RIT2: variants seen among roughly 807,000 people sequenced by gnomAD.
The protein encoded by RIT2 is Ras like without CAAX 2.
In RIT2, 24 loss-of-function variants were observed where a neutral mutation model predicts 23.7. The ratio of observed to expected loss-of-function variants is 1.01; its 90% CI spans 0.73 to 1.43. The LOEUF is 1.43. RIT2 is among the 40% of genes most tolerant of loss of function. The pLI is 0.00. For synonymous variants in RIT2, 107 were observed against 91.1 expected (o/e 1.17, Z -0.99); for missense variants, 236 against 266.9 (o/e 0.88, Z 0.81).
chr18:43,026,634 A>AAG lies in RIT2; in HGVS notation c.160+7175_160+7176dup, dbSNP rs778464703. Among the ~76,000 whole-genome samples the AAG allele has an allele frequency of 3.3e-4, 33 of 100,360 alleles. 1 individual carries two copies. The highest frequency in any genetic ancestry group is 5.3e-4 in the Non-Finnish European group (23 of 43,316). 65.8% of individuals were successfully genotyped at this position (100,360 alleles called of 152,430 possible). A position where few individuals can be genotyped will look rare whatever the true frequency, so the allele number is the denominator to read the frequency against. ...AAAGAAAGAAAGAAAGAAAGAAAGA[A>AAG]AGAGAGAAAGAAGGAAAGGCTGTAG... On this transcript the variant is annotated intron_variant, in intron 2 of 4. Coordinates refer to ENST00000326695, the MANE Select transcript of RIT2 (RefSeq NM_002930.4).
intron 4 of RIT2, among the ~76,000 whole-genome samples, chr18:42,917,994 G>A (rs922969449): frequency 6.6e-6 from 1 of 152,096 alleles, no homozygotes; most frequent in Non-Finnish European, 1.5e-5. Context: ...GTGTACACAT[G>A]TGTGTATGTA....
At position 42,743,278 on chromosome 18, in the gene RIT2, C is replaced by G; in HGVS notation, c.*215G>C. The G allele has an allele frequency of 1.8e-6, 1 of 568,288 alleles. No homozygotes were observed. Among genetic ancestry groups the G allele is most frequent in the Non-Finnish European group, 3.1e-6 (1 of 320,464 alleles). The allele number at this position is 568,288 out of a possible 1,614,324, so 35.2% of individuals were successfully genotyped here. On this transcript the variant is annotated 3_prime_UTR_variant, in exon 5 of 5. Transcript: ENST00000326695. ...TTAGTACTATGTTGTAAAAACTAAA[C>G]AGCATATCCAGCTGATTGACAAAAT...
intron 4 of RIT2, among the ~76,000 whole-genome samples, chr18:42,905,194 T>C (rs890866270): frequency 1.3e-5 from 2 of 152,174 alleles, no homozygotes; most frequent in African/African-American, 4.8e-5. Flanking sequence ...AGTTTAATAA[T>C]AGATCAATAG....
At chr18:42,876,700 G>T (rs1184621087) in intron 4 of RIT2, among the ~76,000 whole-genome samples, 3 of 149,022 alleles carry the variant, frequency 2.0e-5, no homozygotes, top group Non-Finnish European at 4.5e-5. Flanking sequence ...TTTAGTACAG[G>T]TTTTTTTTTT....
chr18:42,845,571 G>A (rs1042801338), intron 4 of RIT2, among the ~76,000 whole-genome samples: 3 of 150,022 alleles, frequency 2.0e-5, no homozygotes, highest in Non-Finnish European at 4.4e-5. Context: ...TTTCCAGTAC[G>A]TGAAACAATT....
chr18:42,814,792 C>T (rs2143982433), intron 4 of RIT2, among the ~76,000 whole-genome samples: 1 of 152,282 alleles, frequency 6.6e-6, no homozygotes, highest in South Asian at 2.1e-4. Flanking sequence ...ACCACCAAAG[C>T]TAAGAACCCT....
At chr18:42,900,118 A>C (rs1166599396) in intron 4 of RIT2, among the ~76,000 whole-genome samples, 1 of 152,070 alleles carries the variant, frequency 6.6e-6, no homozygotes, top group Admixed American at 6.6e-5. Flanking sequence ...TATATGTCTT[A>C]ATCTAAATTG....
intron 1 of RIT2, among the ~76,000 whole-genome samples, chr18:43,046,752 C>T (rs930409764): frequency 6.6e-6 from 1 of 152,138 alleles, no homozygotes; most frequent in Non-Finnish European, 1.5e-5. Flanking sequence ...ACCAGCTTTC[C>T]TTATGTACTC....
intron 4 of RIT2, among the ~76,000 whole-genome samples, chr18:42,784,107 T>C (rs1913872422): frequency 6.6e-6 from 1 of 152,030 alleles, no homozygotes; most frequent in Non-Finnish European, 1.5e-5. Context: ...TCTCCTACCA[T>C]ACACAGTTCT....
chr18:42,859,731 T>G (rs1050588150), intron 4 of RIT2, among the ~76,000 whole-genome samples: 2 of 152,160 alleles, frequency 1.3e-5, no homozygotes, highest in African/African-American at 4.8e-5. Flanking sequence ...ATCTCTTATT[T>G]GACTTTGTAT....
chr18:42,936,465 G>A (rs147046309), intron 3 of RIT2, among the ~76,000 whole-genome samples: 9 of 152,214 alleles, frequency 5.9e-5, no homozygotes, highest in African/African-American at 2.2e-4. Flanking sequence ...TAATGATGTT[G>A]TTTCAGTTTC....
In RIT2 at chr18:43,088,450, C is replaced by T. The variant is rs1042836451; in HGVS notation, c.103+26967G>A. On this transcript the variant is annotated intron_variant, in intron 1 of 4. Transcript: ENST00000326695. ...TATCTTGAGGAATATAAGAGGCAGGCTTTTATGGATACCTCTATTGCATAA... is the reference window on the plus strand; with the variant it reads ...TATCTTGAGGAATATAAGAGGCAGGTTTTTATGGATACCTCTATTGCATAA... Among the ~76,000 whole-genome samples, 4 of 152,038 alleles carry T rather than the reference C, an allele frequency of 2.6e-5. No homozygotes were observed. In the East Asian group the frequency reaches 7.7e-4, roughly 29 times the overall value.
intron 1 of RIT2, among the ~76,000 whole-genome samples, chr18:43,060,550 T>C (rs1443833411): frequency 6.6e-6 from 1 of 152,142 alleles, no homozygotes; most frequent in Non-Finnish European, 1.5e-5. Context: ...TTGGGTCTGG[T>C]GTCCATTACC....
chr18:42,892,881 G>C (rs547537811), intron 4 of RIT2, among the ~76,000 whole-genome samples: 1 of 152,272 alleles, frequency 6.6e-6, no homozygotes, highest in South Asian at 2.1e-4. Context: ...AGTGGTCTGA[G>C]TTAGGTCTAC....
At chr18:42,755,190 G>A (rs1042738705) in intron 4 of RIT2, among the ~76,000 whole-genome samples, 1 of 152,124 alleles carries the variant, frequency 6.6e-6, no homozygotes, top group Non-Finnish European at 1.5e-5. Context: ...ACTTCTTTCA[G>A]ATCACATTTT....
chr18:42,984,924 A>G (rs1910676177), intron 2 of RIT2, among the ~76,000 whole-genome samples: 1 of 145,532 alleles, frequency 6.9e-6, no homozygotes, highest in African/African-American at 2.6e-5. Context: ...TGTGATTCAT[A>G]CATGCTTAGT....
chr18:42,946,584 C>A (rs1909732581), intron 3 of RIT2, among the ~76,000 whole-genome samples: 1 of 151,910 alleles, frequency 6.6e-6, no homozygotes. Context: ...CTAATGGGAA[C>A]AAAACAGTAT....
chr18:43,009,923 T>C (rs1911313391), intron 2 of RIT2, among the ~76,000 whole-genome samples: 1 of 151,756 alleles, frequency 6.6e-6, no homozygotes, highest in Admixed American at 6.6e-5. Flanking sequence ...TTATCCACTC[T>C]GTCATGTTCC....
chr18:42,821,506 A>T (rs1906147639), intron 4 of RIT2, among the ~76,000 whole-genome samples: 1 of 152,126 alleles, frequency 6.6e-6, no homozygotes. Flanking sequence ...TTTGGCAATC[A>T]ATATCTGGAG....
Sources: gnomAD v4.1 joint callset for allele counts (sites outside exome capture counted in the v4.1 genomes callset) on GRCh38, gnomAD v4.1.1 for gene constraint, MANE v1.5 for transcripts, NCBI Gene and HGNC (gene_info 2026-07-23, HGNC 2026-07-21) for gene names.